PTPRE: variants seen among roughly 807,000 people sequenced by gnomAD.
PTPRE encodes the protein receptor-type tyrosine-protein phosphatase epsilon.
In PTPRE, 51 loss-of-function variants were observed where a neutral mutation model predicts 102.0. The ratio of observed to expected loss-of-function variants is 0.50; its 90% CI spans 0.40 to 0.63. The LOEUF is 0.63. Among genes scored for constraint, PTPRE ranks in the 30% least tolerant of loss-of-function variants. The pLI, the probability that PTPRE is intolerant of heterozygous loss-of-function variation, is 0.00. For synonymous variants in PTPRE, 345 were observed against 348.2 expected (o/e 0.99, Z 0.10); for missense variants, 752 against 915.1 (o/e 0.82, Z 2.30).
chr10:127,972,056 C>A (rs116168210), intron 1 of PTPRE, among the ~76,000 whole-genome samples: 3 of 152,348 alleles, frequency 2.0e-5, no homozygotes, highest in Admixed American at 6.5e-5. Context: ...ATTTCAGCAT[C>A]CTAGGCAGGG....
intron 2 of PTPRE, among the ~76,000 whole-genome samples, chr10:127,987,964 G>A (rs116756226): frequency 0.014 from 2,187 of 152,334 alleles, 72 homozygotes; most frequent in African/African-American, 0.05. Flanking sequence ...TGTGTGTAAG[G>A]GTTTCCTGCC....
intron 1 of PTPRE, among the ~76,000 whole-genome samples, chr10:127,971,784 T>G (rs1202893967): frequency 6.6e-6 from 1 of 152,186 alleles, no homozygotes; most frequent in Non-Finnish European, 1.5e-5. Flanking sequence ...CGGCCAGCCA[T>G]GTGGGTGGCT....
chr10:127,999,994 G>A (rs1456324492), intron 2 of PTPRE: 3 of 981,352 alleles, frequency 3.1e-6, no homozygotes, highest in Non-Finnish European at 2.4e-6. Flanking sequence ...CGCAGACGCG[G>A]AAAGGGATCC....
At chr10:127,960,761 C>A (rs145366139) in intron 1 of PTPRE, among the ~76,000 whole-genome samples, 75 of 152,162 alleles carry the variant, frequency 4.9e-4, no homozygotes, top group Non-Finnish European at 1.0e-3. Context: ...CGGTGGCTCA[C>A]GCCTGTAATC....
At chr10:128,033,986 G>A (rs1448011026) in intron 2 of PTPRE, among the ~76,000 whole-genome samples, 1 of 152,190 alleles carries the variant, frequency 6.6e-6, no homozygotes, top group South Asian at 2.1e-4. Flanking sequence ...CATCTCATCA[G>A]TTAAAATAGA....
intron 2 of PTPRE, among the ~76,000 whole-genome samples, chr10:128,024,344 A>G (rs530785964): frequency 6.6e-6 from 1 of 152,322 alleles, no homozygotes; most frequent in East Asian, 1.9e-4. Flanking sequence ...GTAATTAGCC[A>G]TTGGGCTTGT....
intron 11 of PTPRE, among the ~76,000 whole-genome samples, chr10:128,067,469 CACAT>C (rs1273558795): frequency 6.6e-6 from 1 of 152,184 alleles, no homozygotes; most frequent in African/African-American, 2.4e-5. Context: ...TACATGTGCA[CACAT>C]TCACACGTGC....
rs529600534 is a variant in PTPRE at position 127,950,025 on chromosome 10, C to T, written c.-30-32249C>T. Among the ~76,000 whole-genome samples the T allele has an allele frequency of 3.1e-4, 47 of 152,184 alleles. No individual in the cohort carries two copies. In the South Asian group the frequency reaches 9.1e-3, roughly 30 times the overall value. ...CAAGACAGTGCTGAATCTCTGGACC[C>T]GCCCCCACCAACCCTCTTTCCTTCT... On this transcript the variant is annotated intron_variant, in intron 1 of 20. Coordinates refer to ENST00000254667, the MANE Select transcript of PTPRE (RefSeq NM_006504.6).
intron 2 of PTPRE, among the ~76,000 whole-genome samples, chr10:127,992,915 C>T (rs1354146606): frequency 1.3e-5 from 2 of 152,322 alleles, no homozygotes; most frequent in South Asian, 2.1e-4. Flanking sequence ...TAGCCCCTTT[C>T]TGAAATTCAT....
chr10:127,930,620 A>G (rs1256355143), intron 1 of PTPRE, among the ~76,000 whole-genome samples: 3 of 152,170 alleles, frequency 2.0e-5, no homozygotes, highest in East Asian at 1.9e-4. Context: ...TTCATTTCAC[A>G]TGGATAAGTA....
chr10:127,947,651 G>A (rs1042924051), intron 1 of PTPRE, among the ~76,000 whole-genome samples: 1 of 152,168 alleles, frequency 6.6e-6, no homozygotes, highest in Non-Finnish European at 1.5e-5. Context: ...GTTAAAGGAG[G>A]CCTCCTTTCC....
intron 2 of PTPRE, among the ~76,000 whole-genome samples, chr10:128,019,554 G>C (rs1391770657): frequency 6.6e-6 from 1 of 152,218 alleles, no homozygotes; most frequent in Non-Finnish European, 1.5e-5. Flanking sequence ...TGAGTAGCCA[G>C]AGCTGGCACA....
chr10:127,911,080 A>T (rs1845837307), intron 1 of PTPRE, among the ~76,000 whole-genome samples: 1 of 151,434 alleles, frequency 6.6e-6, no homozygotes, highest in Non-Finnish European at 1.5e-5. Flanking sequence ...AGACCCTGTC[A>T]TGGAAAAAAA....
chr10:128,069,921 C>T, intron 13 of PTPRE, 94 bp downstream of exon 13: 1 of 1,582,150 alleles, frequency 6.3e-7, no homozygotes, highest in Non-Finnish European at 8.6e-7. Flanking sequence ...CTCTGATGGG[C>T]ACGTGGCAAC....
chr10:128,038,050 C>G (rs1158325755), intron 2 of PTPRE, among the ~76,000 whole-genome samples: 1 of 151,320 alleles, frequency 6.6e-6, no homozygotes, highest in African/African-American at 2.4e-5. Context: ...ATCCACCCGC[C>G]TCGGCCTCTC....
At chr10:127,967,307 C>T (rs887998636) in intron 1 of PTPRE, among the ~76,000 whole-genome samples, 1 of 152,202 alleles carries the variant, frequency 6.6e-6, no homozygotes, top group African/African-American at 2.4e-5. Flanking sequence ...TGTGTCCCCA[C>T]CCAAATCTCA....
chr10:127,958,642 T>C (rs1849569235), intron 1 of PTPRE, among the ~76,000 whole-genome samples: 1 of 152,198 alleles, frequency 6.6e-6, no homozygotes, highest in South Asian at 2.1e-4. Flanking sequence ...GAGATATTGG[T>C]CAATAGTGTT....
At chr10:127,963,092 A>T (rs538281562) in intron 1 of PTPRE, among the ~76,000 whole-genome samples, 1 of 152,302 alleles carries the variant, frequency 6.6e-6, no homozygotes, top group South Asian at 2.1e-4. Flanking sequence ...TGTGGAGGCC[A>T]GACACTGAGG....
intron 1 of PTPRE, among the ~76,000 whole-genome samples, chr10:127,949,635 G>A (rs1393121089): frequency 6.6e-6 from 1 of 152,166 alleles, no homozygotes; most frequent in Non-Finnish European, 1.5e-5. Flanking sequence ...TCCTAGCACG[G>A]CTAAACCAAG....
Sources: gnomAD v4.1 joint callset for allele counts (sites outside exome capture counted in the v4.1 genomes callset) on GRCh38, gnomAD v4.1.1 for gene constraint, MANE v1.5 for transcripts, NCBI Gene and HGNC (gene_info 2026-07-23, HGNC 2026-07-21) for gene names.